The following CSMD1 variants were observed in gnomAD, a reference collection of about 807,000 sequenced individuals.
The protein encoded by CSMD1 is CUB and Sushi multiple domains 1.
In CSMD1, 213 loss-of-function variants were observed where a neutral mutation model predicts 417.5. That is an observed-to-expected ratio of 0.51 (90% CI 0.46 to 0.57). The LOEUF (loss-of-function observed/expected upper bound fraction) is 0.57. Ranked by LOEUF, CSMD1 falls within the 20% of genes least tolerant of loss-of-function variation. The pLI is 0.00. For synonymous variants in CSMD1, 2,862 were observed against 1,736.8 expected, an observed-to-expected ratio of 1.65 and a Z score of -16.11; for missense variants, 6,923 against 4,529.7, an observed-to-expected ratio of 1.53 and a Z score of -15.17.
At chr8:3,743,433 A>G (rs1415558764) in intron 6 of CSMD1, among the ~76,000 whole-genome samples, 2 of 152,230 alleles carry the variant, frequency 1.3e-5, no homozygotes, top group Non-Finnish European at 2.9e-5. Flanking sequence ...TTAGAAAATA[A>G]TAAGTATTAT....
At chr8:4,546,647 T>A (rs1172138627) in intron 2 of CSMD1, among the ~76,000 whole-genome samples, 1 of 152,204 alleles carries the variant, frequency 6.6e-6, no homozygotes, top group East Asian at 1.9e-4. Context: ...CTTGGCTGAG[T>A]TACGCCAATG....
At chr8:3,316,955 G>C (rs1022408578) in intron 23 of CSMD1, among the ~76,000 whole-genome samples, 1 of 152,326 alleles carries the variant, frequency 6.6e-6, no homozygotes, top group African/African-American at 2.4e-5. Flanking sequence ...CTGGAAAGGA[G>C]CCTGTGTCAG....
intron 43 of CSMD1, among the ~76,000 whole-genome samples, chr8:3,109,925 A>G (rs112318093): frequency 0.01 from 1,557 of 152,038 alleles, 31 homozygotes; most frequent in African/African-American, 0.036. Flanking sequence ...CAATACATAC[A>G]CACACAGATG....
intron 12 of CSMD1, among the ~76,000 whole-genome samples, chr8:3,454,794 A>C (rs1815997443): frequency 6.6e-6 from 1 of 151,952 alleles, no homozygotes; most frequent in African/African-American, 2.4e-5. Flanking sequence ...TGTGTCTTTG[A>C]GTTGCTCTTC....
chr8:4,994,482 GAGCCAAATAATC>G lies in CSMD1; in HGVS notation c.-78_-67del, dbSNP rs1811652000. 1.4e-6 allele frequency: 2 copies of G among 1,446,472 alleles called. No homozygotes were observed. The highest frequency in any genetic ancestry group is 1.9e-6 in the Non-Finnish European group (2 of 1,044,360). The allele number at this position is 1,446,472 out of a possible 1,614,324, so 89.6% of individuals were successfully genotyped here. ...TCCGAGGAAGGCAGGGCTATGAGCG[GAGCCAAATAATC>G]ACCCGAGGGCAAGGCGAGCCGGAGA... On this transcript the variant is annotated 5_prime_UTR_variant, in exon 1 of 70. The change abolishes the stop of an existing upstream ORF in the 5' untranslated region. Transcript: ENST00000635120.
chr8:4,063,224 T>C (rs1277696011), intron 3 of CSMD1, among the ~76,000 whole-genome samples: 1 of 152,140 alleles, frequency 6.6e-6, no homozygotes, highest in East Asian at 1.9e-4. Context: ...TTTGTGTGCA[T>C]ATTTCAAAAT....
intron 3 of CSMD1, among the ~76,000 whole-genome samples, chr8:4,079,278 A>G (rs1009376222): frequency 2.0e-5 from 3 of 152,186 alleles, no homozygotes; most frequent in Non-Finnish European, 4.4e-5. Context: ...GAGTTTATCA[A>G]GTACTGTACC....
At chr8:3,907,541 T>G (rs1023187935) in intron 5 of CSMD1, among the ~76,000 whole-genome samples, 4 of 152,180 alleles carry the variant, frequency 2.6e-5, no homozygotes, top group African/African-American at 9.7e-5. Flanking sequence ...GCTTTATTTT[T>G]AAGGAATGGC....
chr8:3,265,550 C>T (rs937469941), intron 26 of CSMD1, among the ~76,000 whole-genome samples: 4 of 152,088 alleles, frequency 2.6e-5, no homozygotes, highest in South Asian at 2.1e-4. Context: ...GTAGCACACT[C>T]CTGTTACCTG....
intron 3 of CSMD1, among the ~76,000 whole-genome samples, chr8:4,336,770 C>T (rs1800199068): frequency 6.6e-6 from 1 of 152,082 alleles, no homozygotes; most frequent in Admixed American, 6.6e-5. Flanking sequence ...ATGGGCAAAG[C>T]TGGGCCCAGA....
chr8:4,951,928 T>C (rs1808777555), intron 1 of CSMD1, among the ~76,000 whole-genome samples: 2 of 151,584 alleles, frequency 1.3e-5, no homozygotes, highest in Non-Finnish European at 2.9e-5. Context: ...AAAAAAAAAT[T>C]ATTTTTTCCC....
At chr8:4,078,988 C>T (rs138444405) in intron 3 of CSMD1, among the ~76,000 whole-genome samples, 4 of 144,564 alleles carry the variant, frequency 2.8e-5, no homozygotes, top group African/African-American at 1.1e-4. Context: ...CACAATGTTG[C>T]ATTAACAGTA....
At chr8:3,978,201 G>A (rs574982642) in intron 5 of CSMD1, among the ~76,000 whole-genome samples, 1 of 152,292 alleles carries the variant, frequency 6.6e-6, no homozygotes, top group African/African-American at 2.4e-5. Flanking sequence ...TATTACCAAT[G>A]AGGTCACTGC....
chr8:2,949,946 T>C (rs1354802854), intron 67 of CSMD1, among the ~76,000 whole-genome samples: 1 of 152,190 alleles, frequency 6.6e-6, no homozygotes, highest in Non-Finnish European at 1.5e-5. Flanking sequence ...CGATATAACG[T>C]AGCAGTAACA....
intron 1 of CSMD1, among the ~76,000 whole-genome samples, chr8:4,696,819 T>C (rs1234938487): frequency 6.6e-6 from 1 of 152,206 alleles, no homozygotes; most frequent in South Asian, 2.1e-4. Flanking sequence ...TTAAATTTCA[T>C]TCCACAAAAA....
Position 4,413,506 on chromosome 8 carries a change from C to A in CSMD1, c.415+6447G>T, listed in dbSNP as rs964646554. Among the ~76,000 whole-genome samples, 4 of 152,080 alleles carry A rather than the reference C, an allele frequency of 2.6e-5. No homozygotes were observed. In the South Asian group the frequency reaches 6.2e-4, roughly 24 times the overall value. On this transcript the variant is annotated intron_variant, in intron 3 of 69. Transcript: ENST00000635120. ...GAAGGCAATTATATCTCTGCTATAT[C>A]CCTACTTTTAGAAAATGTTAGTGTT...
At chr8:4,780,297 C>T (rs1272175581) in intron 1 of CSMD1, among the ~76,000 whole-genome samples, 2 of 152,228 alleles carry the variant, frequency 1.3e-5, no homozygotes, top group East Asian at 1.9e-4. Flanking sequence ...TCTCTGTATA[C>T]TGCGCTATAT....
chr8:4,102,083 T>TA (rs1563125926), intron 3 of CSMD1, among the ~76,000 whole-genome samples: 1 of 152,216 alleles, frequency 6.6e-6, no homozygotes, highest in Non-Finnish European at 1.5e-5. Context: ...TGCGCTGCAC[T>TA]AATTTCTGAA....
chr8:3,930,618 G>A (rs1471817319), intron 5 of CSMD1, among the ~76,000 whole-genome samples: 1 of 150,206 alleles, frequency 6.7e-6, no homozygotes, highest in African/African-American at 2.5e-5. Flanking sequence ...CAGTAGGGTG[G>A]CCGTGTCAGG....
Sources: gnomAD v4.1 joint callset for allele counts (sites outside exome capture counted in the v4.1 genomes callset) on GRCh38, gnomAD v4.1.1 for gene constraint, MANE v1.5 for transcripts, NCBI Gene and HGNC (gene_info 2026-07-23, HGNC 2026-07-21) for gene names.